Variants in MACROD2 observed in about 807,000 individuals in gnomAD.
MACROD2 encodes the protein ADP-ribose glycohydrolase MACROD2.
In MACROD2, 36 loss-of-function variants were observed where a neutral mutation model predicts 70.4. The observed-to-expected ratio is 0.51, with a 90% CI of 0.39 to 0.68. MACROD2 has a LOEUF of 0.68. Among genes scored for constraint, MACROD2 ranks in the 30% least tolerant of loss-of-function variants. MACROD2 has a pLI of 0.00. For missense variants in MACROD2, 496 were observed against 538.4 expected (o/e 0.92, Z 0.78); for synonymous variants, 172 against 178.8 (o/e 0.96, Z 0.30).
intron 5 of MACROD2, among the ~76,000 whole-genome samples, chr20:14,726,530 G>A (rs1900640783): frequency 6.6e-6 from 1 of 152,118 alleles, no homozygotes; most frequent in Admixed American, 6.5e-5. Context: ...ACTCTGATTT[G>A]GTTTCCTCAT....
chr20:14,460,255 T>G (rs969843121), intron 3 of MACROD2, among the ~76,000 whole-genome samples: 5 of 152,148 alleles, frequency 3.3e-5, no homozygotes, highest in Non-Finnish European at 7.3e-5. Context: ...ATGGGATTGC[T>G]GGGTCAAATG....
At chr20:15,151,452 A>T (rs997133462) in intron 5 of MACROD2, among the ~76,000 whole-genome samples, 2 of 152,066 alleles carry the variant, frequency 1.3e-5, no homozygotes, top group Admixed American at 6.6e-5. Context: ...TCTCTACTCT[A>T]TTATTGTACA....
At position 14,981,053 on chromosome 20, in the gene MACROD2, C is replaced by T. The variant is rs1226027557; in HGVS notation, c.419-248887C>T. 3.0e-5 allele frequency among the ~76,000 whole-genome samples: 4 copies of T among 133,772 alleles called. No individual in the cohort carries two copies. In the South Asian group the frequency reaches 6.9e-4, roughly 23 times the overall value. The allele number at this position is 133,772 out of a possible 152,430, so 87.8% of individuals were successfully genotyped here. ...GTGTGTGTGTGTGTGTGTGTGTGTG[C>T]ATGTGTGTATGTGTGTGTGTGTGTC... On this transcript the variant is annotated intron_variant, in intron 5 of 17. Coordinates refer to ENST00000684519, the MANE Select transcript of MACROD2 (RefSeq NM_001351661.2).
chr20:15,450,182 T>A (rs1461162178), intron 7 of MACROD2, among the ~76,000 whole-genome samples: 1 of 152,078 alleles, frequency 6.6e-6, no homozygotes, highest in African/African-American at 2.4e-5. Flanking sequence ...GTATGTTTAC[T>A]TGTCTGTGTG....
chr20:15,165,624 G>A (rs2076378467), intron 5 of MACROD2, among the ~76,000 whole-genome samples: 1 of 152,120 alleles, frequency 6.6e-6, no homozygotes, highest in East Asian at 1.9e-4. Context: ...CCCAAACAAA[G>A]TGACACTTAT....
At chr20:14,775,781 C>G (rs891139430) in intron 5 of MACROD2, among the ~76,000 whole-genome samples, 5 of 151,924 alleles carry the variant, frequency 3.3e-5, no homozygotes, top group African/African-American at 1.2e-4. Flanking sequence ...AAAAAACCCT[C>G]TAGCAATTTT....
intron 8 of MACROD2, among the ~76,000 whole-genome samples, chr20:15,570,704 A>G (rs2048365899): frequency 6.6e-6 from 1 of 152,176 alleles, no homozygotes; most frequent in Non-Finnish European, 1.5e-5. Context: ...GGTTCATTCA[A>G]GTTTAGCAAA....
chr20:14,233,719 GA>G (rs1217560155), intron 3 of MACROD2, among the ~76,000 whole-genome samples: 2 of 74,922 alleles, frequency 2.7e-5, no homozygotes, highest in Admixed American at 3.4e-4. Context: ...AAAAAGAAAA[GA>G]AAAGAAAAGA....
intron 3 of MACROD2, among the ~76,000 whole-genome samples, chr20:14,113,193 T>C (rs976719297): frequency 4.6e-5 from 7 of 152,060 alleles, no homozygotes; most frequent in African/African-American, 1.7e-4. Flanking sequence ...GAAATAAATA[T>C]TTTATTTTTA....
At chr20:15,056,112 T>C (rs1185961877) in intron 5 of MACROD2, among the ~76,000 whole-genome samples, 2 of 152,074 alleles carry the variant, frequency 1.3e-5, no homozygotes, top group Non-Finnish European at 2.9e-5. Context: ...AAAGTCTACT[T>C]GACAGCTGCA....
At chr20:15,392,588 A>G (rs1489568289) in intron 6 of MACROD2, among the ~76,000 whole-genome samples, 1 of 152,074 alleles carries the variant, frequency 6.6e-6, no homozygotes, top group Admixed American at 6.5e-5. Flanking sequence ...TACCAACAGG[A>G]AGATTCAGAG....
intron 5 of MACROD2, among the ~76,000 whole-genome samples, chr20:14,747,887 G>A (rs1229536589): frequency 6.6e-6 from 1 of 152,142 alleles, no homozygotes; most frequent in East Asian, 1.9e-4. Flanking sequence ...TACTAGGACA[G>A]TATCCACGTG....
At chr20:14,785,430 G>T (rs1331254984) in intron 5 of MACROD2, among the ~76,000 whole-genome samples, 5 of 152,018 alleles carry the variant, frequency 3.3e-5, no homozygotes, top group Non-Finnish European at 7.4e-5. Context: ...TGTTCCCATT[G>T]TGTTTAAATG....
intron 12 of MACROD2, among the ~76,000 whole-genome samples, chr20:15,963,244 C>T (rs1469563888): frequency 2.6e-5 from 4 of 152,064 alleles, no homozygotes; most frequent in Non-Finnish European, 4.4e-5. Flanking sequence ...CAGAGAAAGA[C>T]TATTTTATGT....
At chr20:15,007,188 C>A (rs2075044977) in intron 5 of MACROD2, among the ~76,000 whole-genome samples, 1 of 151,888 alleles carries the variant, frequency 6.6e-6, no homozygotes, top group Non-Finnish European at 1.5e-5. Context: ...CATGGTGAAA[C>A]CTCGTCTCTA....
chr20:15,772,308 A>G (rs940021678), intron 8 of MACROD2, among the ~76,000 whole-genome samples: 5 of 151,690 alleles, frequency 3.3e-5, no homozygotes, highest in Non-Finnish European at 7.4e-5. Context: ...TTTCAAGTAC[A>G]TACATTGACT....
At chr20:15,506,799 A>G (rs1268801605) in intron 8 of MACROD2, among the ~76,000 whole-genome samples, 2 of 152,226 alleles carry the variant, frequency 1.3e-5, no homozygotes, top group South Asian at 2.1e-4. Context: ...ATTCTATGCA[A>G]TGCAGGGGTG....
intron 2 of MACROD2, among the ~76,000 whole-genome samples, chr20:14,055,323 C>T (rs1395176853): frequency 5.3e-5 from 8 of 151,860 alleles, no homozygotes; most frequent in African/African-American, 1.7e-4. Context: ...CTTTGCAATG[C>T]CGCCCTCTAG....
intron 8 of MACROD2, among the ~76,000 whole-genome samples, chr20:15,800,426 A>G (rs185830118): frequency 6.6e-5 from 10 of 152,264 alleles, no homozygotes; most frequent in Admixed American, 1.3e-4. Flanking sequence ...CAGGTTTTAT[A>G]TCTATATCTT....
Sources: allele counts gnomAD v4.1 joint callset (sites outside exome capture counted in the v4.1 genomes callset), GRCh38; gene constraint gnomAD v4.1.1; transcripts MANE v1.5; gene names NCBI Gene and HGNC (gene_info 2026-07-23, HGNC 2026-07-21).